The following ADGRF5 variants were observed in gnomAD, a reference collection of about 807,000 sequenced individuals.
ADGRF5 encodes adhesion G protein-coupled receptor F5.
Under a neutral mutation model 132.3 loss-of-function variants are expected in ADGRF5, and 75 were observed. That is an observed-to-expected ratio of 0.57 (90% CI 0.47 to 0.69). The LOEUF is 0.69. ADGRF5 is among the 30% of genes least tolerant of loss of function. ADGRF5 has a pLI of 0.00. For synonymous variants in ADGRF5, 629 were observed against 597.6 expected (o/e 1.05, Z -0.77); for missense variants, 1,516 against 1,630.6 (o/e 0.93, Z 1.21).
intron 3 of ADGRF5, among the ~76,000 whole-genome samples, chr6:46,897,643 C>T (rs1309112901): frequency 6.6e-6 from 1 of 152,128 alleles, no homozygotes; most frequent in Non-Finnish European, 1.5e-5. Context: ...GGTGCGATCT[C>T]AGCTCACTGC....
At chr6:46,910,272 C>G (rs553549366) in intron 1 of ADGRF5, among the ~76,000 whole-genome samples, 38 of 152,198 alleles carry the variant, frequency 2.5e-4, no homozygotes, top group Non-Finnish European at 3.4e-4. Flanking sequence ...GTAATAATTG[C>G]TGGTGGTTAT....
At chr6:46,943,149 T>C (rs571033164) in intron 1 of ADGRF5, among the ~76,000 whole-genome samples, 16 of 145,874 alleles carry the variant, frequency 1.1e-4, no homozygotes, top group Non-Finnish European at 2.0e-4. Context: ...AACTTACACA[T>C]ACAAAAAAAA....
intron 4 of ADGRF5, among the ~76,000 whole-genome samples, chr6:46,885,548 A>C (rs528528469): frequency 1.3e-5 from 2 of 152,358 alleles, no homozygotes; most frequent in African/African-American, 4.8e-5. Flanking sequence ...AGGAAGAATA[A>C]GCATTCTCAA....
At chr6:46,949,488 GA>G (rs1013835063) in intron 1 of ADGRF5, among the ~76,000 whole-genome samples, 2 of 152,196 alleles carry the variant, frequency 1.3e-5, no homozygotes, top group Non-Finnish European at 2.9e-5. Flanking sequence ...AGCAGAAAAG[GA>G]AAGATGGGTA....
At chr6:46,950,996 TA>T (rs971731226) in intron 1 of ADGRF5, among the ~76,000 whole-genome samples, 2 of 152,206 alleles carry the variant, frequency 1.3e-5, no homozygotes, top group African/African-American at 2.4e-5. Context: ...TGCCTCTCAT[TA>T]AAAAAGAAAT....
intron 10 of ADGRF5, among the ~76,000 whole-genome samples, chr6:46,874,529 G>C (rs529916246): frequency 6.6e-6 from 1 of 152,208 alleles, no homozygotes; most frequent in East Asian, 1.9e-4. Context: ...GTTTAGTTGA[G>C]AGATTAGGGA....
intron 1 of ADGRF5, among the ~76,000 whole-genome samples, chr6:46,931,081 T>A (rs1365125275): frequency 2.6e-5 from 4 of 152,130 alleles, no homozygotes; most frequent in Non-Finnish European, 5.9e-5. Context: ...TTCATCTTCC[T>A]ACATAAAAAC....
At chr6:46,855,840 A>T in intron 20 of ADGRF5, 134 bp downstream of exon 20, 1 of 656,406 alleles carries the variant, frequency 1.5e-6, no homozygotes, top group Non-Finnish European at 2.8e-6. Flanking sequence ...AAGTTCCTCT[A>T]TTTAACCTCT....
intron 1 of ADGRF5, among the ~76,000 whole-genome samples, chr6:46,931,346 T>C (rs1302773655): frequency 6.6e-6 from 1 of 152,234 alleles, no homozygotes. Context: ...TCCACCTCTT[T>C]AACCTTCTTC....
chr6:46,949,491 A>G (rs1025608196), intron 1 of ADGRF5, among the ~76,000 whole-genome samples: 1 of 152,258 alleles, frequency 6.6e-6, no homozygotes, highest in Non-Finnish European at 1.5e-5. Context: ...AGAAAAGGAA[A>G]GATGGGTAGA....
chr6:46,863,997 G>T (rs1770083769), intron 14 of ADGRF5, among the ~76,000 whole-genome samples: 1 of 152,182 alleles, frequency 6.6e-6, no homozygotes, highest in Admixed American at 6.5e-5. Flanking sequence ...TTGCCAACAT[G>T]TGAGAATGAC....
At chr6:46,930,113 GC>G (rs1181468053) in intron 1 of ADGRF5, among the ~76,000 whole-genome samples, 1 of 151,536 alleles carries the variant, frequency 6.6e-6, no homozygotes, top group Non-Finnish European at 1.5e-5. Flanking sequence ...GAGCCACCGC[GC>G]CCAGCCTCCA....
intron 3 of ADGRF5, among the ~76,000 whole-genome samples, chr6:46,891,498 C>T (rs1306165486): frequency 6.6e-6 from 1 of 152,210 alleles, no homozygotes; most frequent in African/African-American, 2.4e-5. Context: ...GTCTACTATC[C>T]TCCCATAAAT....
intron 3 of ADGRF5, among the ~76,000 whole-genome samples, chr6:46,898,657 G>A (rs1173330934): frequency 6.6e-6 from 1 of 152,158 alleles, no homozygotes; most frequent in African/African-American, 2.4e-5. Context: ...CATTTCAAGC[G>A]CTGGACAACA....
chr6:46,879,143 T>C (rs1179732295), intron 9 of ADGRF5, among the ~76,000 whole-genome samples: 1 of 151,848 alleles, frequency 6.6e-6, no homozygotes, highest in East Asian at 1.9e-4. Flanking sequence ...TTTTAAATTT[T>C]TTTAAAAATC....
At chr6:46,925,279 A>G (rs139281799), upstream of ADGRF5, among the ~76,000 whole-genome samples, 397 of 152,088 alleles carry the variant, frequency 2.6e-3, 1 homozygote, top group Middle Eastern at 0.027. Context: ...GACTCACTCC[A>G]TCACCTCATT....
At position 46,874,722 on chromosome 6, in the gene ADGRF5, G is replaced by C. The variant is rs78883664; in HGVS notation, c.1241-2709C>G. Among the ~76,000 whole-genome samples, 100 of 152,268 alleles carry C rather than the reference G, an allele frequency of 6.6e-4. 1 individual carries two copies. The highest frequency in any genetic ancestry group is 2.3e-3 in the African/African-American group (97 of 41,550). ...TTCAGGGGCTGGGGCTGTGTTGAGG[G>C]GGGTGGAAGGATAATAAACTGTGTG... On this transcript the variant is annotated intron_variant, in intron 10 of 20. Transcript: ENST00000283296.
intron 2 of ADGRF5, among the ~76,000 whole-genome samples, chr6:46,906,038 T>A (rs1377149144): frequency 1.3e-5 from 2 of 152,204 alleles, no homozygotes; most frequent in East Asian, 1.9e-4. Context: ...AGAAGCTAAG[T>A]AAGGAATAAC....
chr6:46,950,286 C>A (rs374827391), intron 1 of ADGRF5, among the ~76,000 whole-genome samples: 26 of 152,286 alleles, frequency 1.7e-4, no homozygotes, highest in African/African-American at 5.8e-4. Flanking sequence ...ACACATTGAG[C>A]TGAAATCTGT....
Sources: allele counts gnomAD v4.1 joint callset (sites outside exome capture counted in the v4.1 genomes callset), GRCh38; gene constraint gnomAD v4.1.1; transcripts MANE v1.5; gene names NCBI Gene and HGNC (gene_info 2026-07-23, HGNC 2026-07-21).